TRMT9B: variants seen among roughly 807,000 people sequenced by gnomAD.
TRMT9B encodes tRNA methyltransferase 9B (putative), also known as probable tRNA methyltransferase 9B.
TRMT9B carries 16 observed loss-of-function variants against 11.5 expected under a neutral mutation model. That is an observed-to-expected ratio of 1.39 (90% CI 0.94 to 2.11). The LOEUF (loss-of-function observed/expected upper bound fraction) is 2.11. Among genes scored for constraint, TRMT9B ranks in the 30% most tolerant of loss-of-function variants. The probability of loss-of-function intolerance (pLI) is 0.00; values close to 1 mark genes in which losing one functional copy is unlikely to be tolerated. For synonymous variants in TRMT9B, 274 were observed against 192.4 expected, an observed-to-expected ratio of 1.42 and a Z score of -3.51; for missense variants, 941 against 553.8, an observed-to-expected ratio of 1.70 and a Z score of -7.02.
chr8:13,014,628 G>A (rs1519153), intron 4 of TRMT9B, among the ~76,000 whole-genome samples: 149,589 of 152,312 alleles, frequency 0.98, 73,509 homozygotes, highest in Non-Finnish European at 1. Flanking sequence ...GCTTCGACAT[G>A]TTGGTCTCAG....
rs374077582 is a variant in TRMT9B, at chr8:13,021,745, G to C, written c.1066G>C (p.Gly356Arg). The change falls in exon 5 of 5, where the codon GGT (glycine) becomes CGT (arginine). Residue 356 changes from glycine (G) to arginine (R), a missense_variant. Physicochemically the swap from Gly to Arg is moderately radical, Grantham distance 125. Transcript: ENST00000524591. The stretch of plus-strand genomic sequence containing the variant: ...AAATTTTCTGGATAGCACTAATACT[G>C]GTGTGAATTGTGTGGATGCAGGCAA... ...GGNFLDSTNT[G>R]VNCVDAGNIE... 6.2e-7 allele frequency: 1 copy of C among 1,613,798 alleles called. No homozygotes were observed. Among genetic ancestry groups the C allele is most frequent in the African/African-American group, 1.3e-5 (1 of 74,906 alleles).
intron 1 of TRMT9B, among the ~76,000 whole-genome samples, chr8:12,986,579 A>T (rs1225622912): frequency 6.6e-6 from 1 of 152,240 alleles, no homozygotes; most frequent in African/African-American, 2.4e-5. Context: ...TCTTAAGTAA[A>T]CTAATTTGGA....
intron 1 of TRMT9B, among the ~76,000 whole-genome samples, chr8:12,969,380 C>A (rs950540232): frequency 6.6e-6 from 1 of 152,138 alleles, no homozygotes; most frequent in African/African-American, 2.4e-5. Flanking sequence ...TAAACAATTG[C>A]ACCCAGTCAC....
In TRMT9B at chr8:12,963,702, T is replaced by C. The variant is rs527753008; in HGVS notation, c.-200+17736T>C. Among the ~76,000 whole-genome samples the C allele has an allele frequency of 2.0e-5, 3 of 152,338 alleles. No individual in the cohort carries two copies. In the East Asian group the frequency reaches 5.8e-4, roughly 29 times the overall value. On this transcript the variant is annotated intron_variant, in intron 1 of 4. Transcript: ENST00000524591. ...AGGTCAATGCTATGATGAGCCGTGA[T>C]TGCACCACTGCACTCCAGCCTGCGC...
chr8:13,013,537 T>G (rs977298949), intron 4 of TRMT9B, among the ~76,000 whole-genome samples: 2 of 152,222 alleles, frequency 1.3e-5, no homozygotes, highest in Non-Finnish European at 2.9e-5. Flanking sequence ...TCTGCCATAT[T>G]TAAATATGCA....
intron 1 of TRMT9B, among the ~76,000 whole-genome samples, chr8:12,954,326 A>G (rs189558110): frequency 3.3e-4 from 51 of 152,356 alleles, no homozygotes; most frequent in Admixed American, 8.5e-4. Flanking sequence ...GCTCCTTTAG[A>G]GAACTAGTCT....
chr8:12,964,210 A>G (rs1174347236), intron 1 of TRMT9B, among the ~76,000 whole-genome samples: 1 of 152,228 alleles, frequency 6.6e-6, no homozygotes, highest in East Asian at 1.9e-4. Flanking sequence ...ATTGTATTGC[A>G]TCTTTTTGAA....
Position 13,005,784 on chromosome 8 carries a change from G to C in TRMT9B, c.-1-418G>C, listed in dbSNP as rs1810352054. Reference sequence around the variant, plus strand: ...GGCTGGAACCCAAACACTAAAAAGGGAGAATTAATAGCGCTTTGCTATTGG... The same window carrying C: ...GGCTGGAACCCAAACACTAAAAAGGCAGAATTAATAGCGCTTTGCTATTGG... On this transcript the variant is annotated intron_variant, in intron 2 of 4. Coordinates refer to ENST00000524591, the MANE Select transcript of TRMT9B (RefSeq NM_020844.3). 2.0e-5 allele frequency among the ~76,000 whole-genome samples: 3 copies of C among 152,152 alleles called. No individual in the cohort carries two copies. In the South Asian group the frequency reaches 6.2e-4, roughly 32 times the overall value.
At chr8:12,983,199 A>G (rs1805701730) in intron 1 of TRMT9B, among the ~76,000 whole-genome samples, 2 of 152,252 alleles carry the variant, frequency 1.3e-5, no homozygotes, top group African/African-American at 4.8e-5. Flanking sequence ...TCAACACTGC[A>G]GAAAAAGTGC....
At chr8:12,966,317 A>G (rs1165214023) in intron 1 of TRMT9B, among the ~76,000 whole-genome samples, 1 of 152,160 alleles carries the variant, frequency 6.6e-6, no homozygotes, top group African/African-American at 2.4e-5. Flanking sequence ...CCAAACAGAT[A>G]CAACCATGTG....
At chr8:12,990,811 A>T in intron 1 of TRMT9B, 23 bp from the exon 2 acceptor site, 1 of 1,279,432 alleles carries the variant, frequency 7.8e-7, no homozygotes, top group Middle Eastern at 2.1e-4. Context: ...AATGACATTT[A>T]GTATTTGTTT....
chr8:13,002,641 G>C (rs1474620927), intron 2 of TRMT9B, among the ~76,000 whole-genome samples: 2 of 152,120 alleles, frequency 1.3e-5, no homozygotes, highest in Admixed American at 1.3e-4. Context: ...CTGAATATCT[G>C]TTCCTTGAAA....
At chr8:12,983,702 G>T (rs189015147) in intron 1 of TRMT9B, among the ~76,000 whole-genome samples, 2 of 152,076 alleles carry the variant, frequency 1.3e-5, no homozygotes, top group South Asian at 4.1e-4. Flanking sequence ...CCTTCTAGCA[G>T]AATGTCTCCT....
chr8:12,951,188 G>A (rs1800575094), intron 1 of TRMT9B: 1 of 152,114 alleles, frequency 6.6e-6, no homozygotes, highest in Admixed American at 6.5e-5. Context: ...GGCTCGTTTT[G>A]CAAAACTCAG....
chr8:12,990,943 T>G lies in TRMT9B; in HGVS notation c.-90T>G, dbSNP rs963123564. The G allele has an allele frequency of 7.8e-7, 1 of 1,289,278 alleles. No homozygotes were observed. The allele number at this position is 1,289,278 out of a possible 1,614,324, so 79.9% of individuals were successfully genotyped here. ...TTTACGTTACACATTGAGAAAGTTA[T>G]GAGAAGCAACTGTCACTCTCTGGAG... On this transcript the variant is annotated 5_prime_UTR_variant, in exon 2 of 5. The change abolishes an upstream ATG in the 5' untranslated region. Coordinates refer to ENST00000524591, the MANE Select transcript of TRMT9B (RefSeq NM_020844.3).
rs1432085228 is a variant in TRMT9B at position 13,021,381 on chromosome 8, G to A, written c.702G>A (p.Glu234=). Residue 234 remains glutamate, a synonymous_variant, in exon 5 of 5, where the codon GAG becomes GAA. Transcript: ENST00000524591. The stretch of plus-strand genomic sequence containing the variant: ...TTGCAAATATTTCTAAGGAAGGCGA[G>A]GAAGAATATGGATTTTACAGCACAT... ...TCFANISKEG[E]EEYGFYSTLG... is the part of the protein sequence containing the mutation. 2 of 1,614,034 alleles carry A rather than the reference G, an allele frequency of 1.2e-6. No individual in the cohort carries two copies. Among genetic ancestry groups the A allele is most frequent in the South Asian group, 1.1e-5 (1 of 91,090 alleles).
At chr8:12,991,398 A>T (rs572609678) in intron 2 of TRMT9B, among the ~76,000 whole-genome samples, 1 of 152,186 alleles carries the variant, frequency 6.6e-6, no homozygotes, top group Non-Finnish European at 1.5e-5. Context: ...TGAAAAAGCT[A>T]TGCATTTTGT....
At chr8:12,968,517 T>C (rs1165817464) in intron 1 of TRMT9B, among the ~76,000 whole-genome samples, 1 of 152,210 alleles carries the variant, frequency 6.6e-6, no homozygotes, top group Non-Finnish European at 1.5e-5. Context: ...CCTTAATGCT[T>C]TCTAATAGGT....
chr8:12,959,491 TCTC>T (rs1397800091), intron 1 of TRMT9B, among the ~76,000 whole-genome samples: 24 of 146,792 alleles, frequency 1.6e-4, no homozygotes, highest in Non-Finnish European at 3.3e-4. Flanking sequence ...TCTCCTCTCC[TCTC>T]CTCTCCTTTC....
Sources: allele counts gnomAD v4.1 joint callset (sites outside exome capture counted in the v4.1 genomes callset), GRCh38; gene constraint gnomAD v4.1.1; transcripts MANE v1.5; gene names NCBI Gene and HGNC (gene_info 2026-07-23, HGNC 2026-07-21).